PHC3: variants seen among roughly 807,000 people sequenced by gnomAD.
PHC3 encodes polyhomeotic-like protein 3.
PHC3 carries 13 observed loss-of-function variants against 107.4 expected under a neutral mutation model. The observed-to-expected ratio is 0.12, with a 90% CI of 0.08 to 0.19. PHC3 has a LOEUF of 0.19. Ranked by LOEUF, PHC3 falls within the 10% of genes least tolerant of loss-of-function variation. The probability of loss-of-function intolerance (pLI) is 1.00; values close to 1 mark genes in which losing one functional copy is unlikely to be tolerated. For synonymous variants in PHC3, 456 were observed against 427.4 expected (o/e 1.07, Z -0.83); for missense variants, 992 against 1,210.9 (o/e 0.82, Z 2.68).
At chr3:170,177,377 A>G (rs1463681165) in intron 2 of PHC3, among the ~76,000 whole-genome samples, 1 of 151,960 alleles carries the variant, frequency 6.6e-6, no homozygotes, top group Non-Finnish European at 1.5e-5. Flanking sequence ...CTATATATAT[A>G]TATTTTGAGA....
chr3:170,173,024 C>G (rs1329840653), intron 2 of PHC3, among the ~76,000 whole-genome samples: 1 of 151,928 alleles, frequency 6.6e-6, no homozygotes, highest in Non-Finnish European at 1.5e-5. Flanking sequence ...AACCCCGTCT[C>G]TACTAAAAAC....
rs748967890 is a variant in PHC3, at chr3:170,117,249, G to C, written c.2170C>G (p.Gln724Glu). 4.3e-6 allele frequency: 7 copies of C among 1,613,932 alleles called. No homozygotes were observed. Among genetic ancestry groups the C allele is most frequent in the Non-Finnish European group, 4.2e-6 (5 of 1,179,856 alleles). Reference protein sequence around the residue: ...LTHVIEGFVIQEGLEPFPVSR... With the variant: ...LTHVIEGFVIEEGLEPFPVSR... ...ACAGGAAATGGCTCCAATCCCTCCTGAATCACAAAGCCTTCAATAACATGG... is the reference window on the plus strand; with the variant it reads ...ACAGGAAATGGCTCCAATCCCTCCTCAATCACAAAGCCTTCAATAACATGG... The change falls in exon 10 of 15, where the codon CAG (glutamine) becomes GAG (glutamate). Residue 724 changes from glutamine to glutamate, a missense_variant. Gln to Glu is a conservative substitution (Grantham distance 29). Transcript: ENST00000495893.
At position 170,117,408 on chromosome 3, in the gene PHC3, G is replaced by A; in HGVS notation, c.2011C>T (p.His671Tyr). The stretch of plus-strand genomic sequence containing the variant: ...AATGGAGGTGGTGGAACAGAAACAT[G>A]TGAGGGATCTGATGGAGATTTAATT... Reference protein sequence around the residue: ...SVIKSPSDPSHVSVPPPPLLL... With the variant: ...SVIKSPSDPSYVSVPPPPLLL... The change falls in exon 10 of 15, where the codon CAT (histidine) becomes TAT (tyrosine). Residue 671 changes from histidine (H) to tyrosine (Y), a missense_variant. This residue lies in a region of PHC3 where 543 missense variants were observed against 590.8 expected (regional missense o/e 0.92). Transcript: ENST00000495893. The A allele has an allele frequency of 6.2e-7, 1 of 1,613,862 alleles. No homozygotes were observed. Among genetic ancestry groups the A allele is most frequent in the Non-Finnish European group, 8.5e-7 (1 of 1,179,814 alleles).
chr3:170,106,154 G>A (rs1716474577), intron 12 of PHC3, among the ~76,000 whole-genome samples: 1 of 152,208 alleles, frequency 6.6e-6, no homozygotes, highest in South Asian at 2.1e-4. Context: ...GGAGGATGCA[G>A]TGAGCCGAGA....
chr3:170,112,524 AT>A (rs34511229), intron 11 of PHC3, among the ~76,000 whole-genome samples: 1,974 of 119,724 alleles, frequency 0.016, 49 homozygotes, highest in African/African-American at 0.056. Context: ...CGCCTGGCCT[AT>A]TTTTTTTTTT....
rs1161890610 is a variant in PHC3, at chr3:170,145,345, T to TA, written c.672+77dup. The TA allele has an allele frequency of 2.5e-6, 3 of 1,214,894 alleles. No individual in the cohort carries two copies. In the African/African-American group the frequency reaches 4.5e-5, roughly 18 times the overall value. 75.3% of individuals were successfully genotyped at this position (1,214,894 alleles called of 1,614,324 possible). On this transcript the variant is annotated intron_variant, in intron 6 of 14. Transcript: ENST00000495893. ...AAGAGCACTGAAACCATCAGTAACT[T>TA]AAACACAAATGCAATGCTTAACTTT...
chr3:170,119,888 A>G (rs1719877996), intron 9 of PHC3, among the ~76,000 whole-genome samples: 1 of 152,144 alleles, frequency 6.6e-6, no homozygotes, highest in Non-Finnish European at 1.5e-5. Context: ...CAGAAGAGTA[A>G]TAAGTATGAG....
rs944714296 is a variant in PHC3 at position 170,095,275 on chromosome 3, G to A, written c.*1955C>T. On this transcript the variant is annotated 3_prime_UTR_variant, in exon 15 of 15. Transcript: ENST00000495893. The stretch of plus-strand genomic sequence containing the variant: ...TTAAAAATGTGATATAAAGAAATAC[G>A]TAACATAGACTACAAGCTATCGTAG... 1 of 152,010 alleles carries A rather than the reference G, an allele frequency of 6.6e-6. No homozygotes were observed. The highest frequency in any genetic ancestry group is 2.4e-5 in the African/African-American group (1 of 41,398). The allele number at this position is 152,010 out of a possible 1,614,324, so 9.4% of individuals were successfully genotyped here.
rs376470353 is a variant in PHC3 at position 170,128,692 on chromosome 3, G to C, written c.1780C>G (p.Pro594Ala). 6.2e-7 allele frequency: 1 copy of C among 1,613,764 alleles called. No individual in the cohort carries two copies. Among genetic ancestry groups the C allele is most frequent in the Non-Finnish European group, 8.5e-7 (1 of 1,179,732 alleles). Residue 594 changes from proline (P) to alanine (A), a missense_variant, in exon 8 of 15, where the codon CCA becomes GCA. By Grantham distance (27) the Pro-to-Ala change is conservative. This residue lies in a region of PHC3 where 543 missense variants were observed against 590.8 expected (regional missense o/e 0.92). Transcript: ENST00000495893. ...AGCTTCCAAGGGCTTACCACTGGTG[G>C]ATCAACAGGTGCTGGTGGTTGCACT... is the stretch of plus-strand genomic sequence containing the variant. Reference protein sequence around the residue: ...LQVQPPAPVDPPVVYQVEDVC... With the variant: ...LQVQPPAPVDAPVVYQVEDVC...
chr3:170,154,050 C>T (rs1726481416), intron 4 of PHC3, among the ~76,000 whole-genome samples: 1 of 152,192 alleles, frequency 6.6e-6, no homozygotes, highest in Non-Finnish European at 1.5e-5. Context: ...CAAAGCAGAA[C>T]TGACTATTCC....
chr3:170,142,710 A>G (rs1724304892), intron 6 of PHC3, among the ~76,000 whole-genome samples: 2 of 152,192 alleles, frequency 1.3e-5, no homozygotes, highest in Admixed American at 6.5e-5. Context: ...TTTTTCTTAC[A>G]TGGTTCCAAC....
chr3:170,126,953 A>T lies in PHC3; in HGVS notation c.1788+1731T>A, dbSNP rs551060210. On this transcript the variant is annotated intron_variant, in intron 8 of 14. Coordinates refer to ENST00000495893, the MANE Select transcript of PHC3 (RefSeq NM_024947.4). The stretch of plus-strand genomic sequence containing the variant: ...TTGTTTGTTTTTATTTTTAAATTGT[A>T]TTTTTTTTCTTTTCTATTATGCCCT... Among the ~76,000 whole-genome samples the T allele has an allele frequency of 2.0e-4, 31 of 151,488 alleles. No individual in the cohort carries two copies. The East Asian group carries it at 4.7e-3, about 23-fold the overall frequency.
chr3:170,160,111 C>T (rs960441324), intron 4 of PHC3, among the ~76,000 whole-genome samples: 1 of 152,114 alleles, frequency 6.6e-6, no homozygotes, highest in Non-Finnish European at 1.5e-5. Context: ...CACCTGACAC[C>T]AAGTAGGCAC....
At chr3:170,098,892 C>T (rs1049801130) in intron 14 of PHC3, among the ~76,000 whole-genome samples, 4 of 152,148 alleles carry the variant, frequency 2.6e-5, no homozygotes, top group Admixed American at 2.6e-4. Flanking sequence ...AATGGGATTA[C>T]TCACCATAGA....
chr3:170,122,396 T>C (rs1432202187), intron 9 of PHC3, among the ~76,000 whole-genome samples, 195 bp downstream of exon 9: 2 of 152,014 alleles, frequency 1.3e-5, no homozygotes, highest in Non-Finnish European at 2.9e-5. Flanking sequence ...TAAAGGCCAG[T>C]AGTTCAAGAC....
intron 9 of PHC3, among the ~76,000 whole-genome samples, chr3:170,121,315 A>T (rs1264905697): frequency 6.6e-6 from 1 of 152,100 alleles, no homozygotes; most frequent in African/African-American, 2.4e-5. Flanking sequence ...CTCTTAAAAA[A>T]AAGAAAGAAA....
In PHC3 at chr3:170,092,320, T is replaced by C. The variant is rs1318562866; in HGVS notation, c.*4910A>G. ...CAGCCCCAAATAATTTCTTTTAAGATATACAGCTTAACAAGTTGAAATTTT... is the reference window on the plus strand; with the variant it reads ...CAGCCCCAAATAATTTCTTTTAAGACATACAGCTTAACAAGTTGAAATTTT... On this transcript the variant is annotated 3_prime_UTR_variant, in exon 15 of 15. Transcript: ENST00000495893. The C allele has an allele frequency of 6.6e-6, 1 of 151,974 alleles. No homozygotes were observed. The highest frequency in any genetic ancestry group is 1.5e-5 in the Non-Finnish European group (1 of 67,912). The allele number at this position is 151,974 out of a possible 1,614,324, so 9.4% of individuals were successfully genotyped here.
At chr3:170,167,383 T>C (rs1227275035) in intron 4 of PHC3, among the ~76,000 whole-genome samples, 2 of 152,232 alleles carry the variant, frequency 1.3e-5, no homozygotes, top group African/African-American at 4.8e-5. Context: ...CCCAAAGTGT[T>C]GGGATTATAG....
At position 170,093,743 on chromosome 3, in the gene PHC3, T is replaced by C. The variant is rs797007074; in HGVS notation, c.*3487A>G. ...TCTAAGACTTGTATTTGTGAATAGA[T>C]GTCTCATTATAATTTTATACTTGAT... On this transcript the variant is annotated 3_prime_UTR_variant, in exon 15 of 15. Coordinates refer to ENST00000495893, the MANE Select transcript of PHC3 (RefSeq NM_024947.4). 5.3e-5 allele frequency: 8 copies of C among 152,334 alleles called. No individual in the cohort carries two copies. Among genetic ancestry groups the C allele is most frequent in the African/African-American group, 1.7e-4 (7 of 41,582 alleles). 9.4% of individuals were successfully genotyped at this position (152,334 alleles called of 1,614,324 possible).
Sources: allele counts gnomAD v4.1 joint callset (sites outside exome capture counted in the v4.1 genomes callset), GRCh38; gene constraint gnomAD v4.1.1; regional missense constraint gnomAD v4.1.1; transcripts MANE v1.5; gene names NCBI Gene and HGNC (gene_info 2026-07-23, HGNC 2026-07-21).